FHIP1B: variants seen among roughly 807,000 people sequenced by gnomAD.
FHIP1B encodes the protein FHF complex subunit HOOK-interacting protein 1B.
FHIP1B carries 28 observed loss-of-function variants against 82.2 expected under a neutral mutation model. That is an observed-to-expected ratio of 0.34 (90% confidence interval 0.25 to 0.47). The LOEUF is 0.47. FHIP1B is among the 20% of genes least tolerant of loss of function. FHIP1B has a pLI of 1.00. For synonymous variants in FHIP1B, 585 were observed against 516.1 expected, an observed-to-expected ratio of 1.13 and a Z score of -1.81; for missense variants, 1,110 against 1,262.6, an observed-to-expected ratio of 0.88 and a Z score of 1.83.
chr11:6,229,975 C>A (rs1258658284), intron 1 of FHIP1B, among the ~76,000 whole-genome samples: 1 of 144,332 alleles, frequency 6.9e-6, no homozygotes. Context: ...ATAGCAAAGT[C>A]CAAAAAAAAA....
chr11:6,219,104 A>T, intron 6 of FHIP1B, 54 bp from the exon 7 acceptor site: 1 of 1,443,006 alleles, frequency 6.9e-7, no homozygotes, highest in Non-Finnish European at 9.6e-7. Flanking sequence ...CTGCCCTCCA[A>T]GCCATTCACC....
chr11:6,233,301 G>A (rs548294361), intron 1 of FHIP1B, among the ~76,000 whole-genome samples: 16 of 152,326 alleles, frequency 1.1e-4, no homozygotes, highest in South Asian at 6.2e-4. Flanking sequence ...GAAAGAATAG[G>A]ATGTCCCAAC....
Position 6,224,521 on chromosome 11 carries a change from C to G in FHIP1B, c.-5G>C. ...CAGCCAATTCATCCTCTCCATGAGGCAGGCTGGGCAGGACTGGCAGCCAGA... is the reference window on the plus strand; with the variant it reads ...CAGCCAATTCATCCTCTCCATGAGGGAGGCTGGGCAGGACTGGCAGCCAGA... On this transcript the variant is annotated 5_prime_UTR_variant, in exon 2 of 12. Coordinates refer to ENST00000449352, the MANE Select transcript of FHIP1B (RefSeq NM_001098794.2). The G allele has an allele frequency of 1.2e-6, 2 of 1,606,236 alleles. No homozygotes were observed. Among genetic ancestry groups the G allele is most frequent in the South Asian group, 1.1e-5 (1 of 89,956 alleles).
intron 6 of FHIP1B, among the ~76,000 whole-genome samples, chr11:6,221,484 T>A (rs1281248497): frequency 6.6e-6 from 1 of 152,164 alleles, no homozygotes; most frequent in African/African-American, 2.4e-5. Context: ...TTATATATAT[T>A]TCTATTTGTT....
At position 6,217,605 on chromosome 11, in the gene FHIP1B, G is replaced by A. The variant is rs754331058; in HGVS notation, c.1981C>T (p.Leu661=). The A allele has an allele frequency of 1.9e-6, 3 of 1,613,632 alleles. No homozygotes were observed. The highest frequency in any genetic ancestry group is 8.5e-7 in the Non-Finnish European group (1 of 1,179,830). The change falls in exon 9 of 12, where the codon CTA becomes TTA. Residue 661 remains leucine (L), a synonymous_variant. Coordinates refer to ENST00000449352, the MANE Select transcript of FHIP1B (RefSeq NM_001098794.2). ...LVPKEGAGEL[L]EGISEGMAGL... ...GCCATGCCCTCGGAGATGCCCTCTA[G>A]CAGTTCCCCAGCTCCCTCCTTTGGC...
At chr11:6,230,449 A>G (rs1358884373) in intron 1 of FHIP1B, among the ~76,000 whole-genome samples, 1 of 152,216 alleles carries the variant, frequency 6.6e-6, no homozygotes, top group African/African-American at 2.4e-5. Flanking sequence ...ATACAAAGGG[A>G]AAAACCAACC....
At chr11:6,219,650 G>A (rs1343573472) in intron 6 of FHIP1B, among the ~76,000 whole-genome samples, 1 of 152,230 alleles carries the variant, frequency 6.6e-6, no homozygotes, top group African/African-American at 2.4e-5. Flanking sequence ...GTCAAGATTA[G>A]AGGAAATCTT....
At chr11:6,215,597 T>C (rs532460081) in intron 9 of FHIP1B, among the ~76,000 whole-genome samples, 3 of 152,360 alleles carry the variant, frequency 2.0e-5, no homozygotes, top group South Asian at 2.1e-4. Context: ...ATCAGTTTTG[T>C]CTTTCAGAAG....
rs754422232 is a variant in FHIP1B, at chr11:6,222,624, G to A, written c.1024-15C>T. 1.5e-5 allele frequency: 24 copies of A among 1,613,066 alleles called. No homozygotes were observed. The highest frequency in any genetic ancestry group is 1.7e-5 in the Non-Finnish European group (20 of 1,179,302). On this transcript the variant is annotated splice_polypyrimidine_tract_variant and intron_variant, in intron 5 of 11. Coordinates refer to ENST00000449352, the MANE Select transcript of FHIP1B (RefSeq NM_001098794.2). ...TCCACAGAGGTCTGCACAAAAAGAA[G>A]GGAAAGTCTGGAAATGCACAGCTTC...
chr11:6,220,818 T>C (rs759496000), intron 6 of FHIP1B, among the ~76,000 whole-genome samples: 2 of 151,862 alleles, frequency 1.3e-5, no homozygotes, highest in Non-Finnish European at 2.9e-5. Context: ...AGATAAAACC[T>C]CAAAAAGAAA....
chr11:6,213,369 A>G (rs1847128278), intron 11 of FHIP1B, among the ~76,000 whole-genome samples: 2 of 152,230 alleles, frequency 1.3e-5, no homozygotes, highest in African/African-American at 2.4e-5. Flanking sequence ...GCACATGTCA[A>G]TTCCTCCTTG....
intron 11 of FHIP1B, among the ~76,000 whole-genome samples, chr11:6,212,727 G>A (rs1281141925): frequency 2.6e-5 from 4 of 152,158 alleles, no homozygotes; most frequent in South Asian, 4.2e-4. Flanking sequence ...ATACCATACC[G>A]AGCTATTAAA....
At chr11:6,215,069 G>A (rs1847188703) in intron 9 of FHIP1B, 158 bp from the exon 10 acceptor site, 1 of 635,398 alleles carries the variant, frequency 1.6e-6, no homozygotes, top group Admixed American at 3.8e-5. Flanking sequence ...TATTCTGGAG[G>A]AAATAAGATG....
chr11:6,224,121 G>A lies in FHIP1B; in HGVS notation c.266C>T (p.Ala89Val). ...LLAEDRAVPS[A>V]PTGPGPLLEF... ...CAGCAGGGGCCCAGGGCCTGTGGGG[G>A]CCGAGGGAACTGCACGGTCCTCTGC... is the stretch of plus-strand genomic sequence containing the variant. The change falls in exon 3 of 12, where the codon GCC becomes GTC. Residue 89 changes from alanine to valine, a missense_variant. Ala to Val is a moderately conservative substitution (Grantham distance 64). Coordinates refer to ENST00000449352, the MANE Select transcript of FHIP1B (RefSeq NM_001098794.2). 5 of 1,614,104 alleles carry A rather than the reference G, an allele frequency of 3.1e-6. No individual in the cohort carries two copies. Among genetic ancestry groups the A allele is most frequent in the Admixed American group, 1.7e-5 (1 of 60,026 alleles).
At chr11:6,227,996 G>T (rs1392739920) in intron 1 of FHIP1B, among the ~76,000 whole-genome samples, 1 of 152,162 alleles carries the variant, frequency 6.6e-6, no homozygotes, top group African/African-American at 2.4e-5. Context: ...GTTAGTTAAA[G>T]AATAGGAATC....
intron 1 of FHIP1B, among the ~76,000 whole-genome samples, chr11:6,231,469 C>CTT (rs1167717523): frequency 4.8e-5 from 6 of 125,318 alleles, no homozygotes; most frequent in East Asian, 2.3e-4. Flanking sequence ...GATATATTTT[C>CTT]TTTTTTTTTT....
In FHIP1B at chr11:6,222,468, C is replaced by T. The variant is rs765275651; in HGVS notation, c.1165G>A (p.Val389Ile). 8.1e-5 allele frequency: 131 copies of T among 1,613,752 alleles called. No homozygotes were observed. The highest frequency in any genetic ancestry group is 1.7e-4 in the Middle Eastern group (1 of 6,032). Reference sequence around the variant, plus strand: ...CGGGAGTTACTGCCAATACGAGCAACGAGGGTGTCGAGGATGGTGTGGGTG... The same window carrying T: ...CGGGAGTTACTGCCAATACGAGCAATGAGGGTGTCGAGGATGGTGTGGGTG... ...HDTHTILDTLVARIGSNSRLC... is the reference protein window; with the variant it reads ...HDTHTILDTLIARIGSNSRLC... Residue 389 changes from valine (V) to isoleucine (I), a missense_variant, in exon 6 of 12, where the codon GTT (valine) becomes ATT (isoleucine). Physicochemically the swap from Val to Ile is conservative, Grantham distance 29. This residue lies in a region of FHIP1B where 467 missense variants were observed against 602.9 expected (regional missense o/e 0.77). Transcript: ENST00000449352.
rs533395034 is a variant in FHIP1B at position 6,225,810 on chromosome 11, T to C, written c.-191-1103A>G. 4.7e-4 allele frequency among the ~76,000 whole-genome samples: 71 copies of C among 152,204 alleles called. 4 individuals are homozygous for C. The South Asian group carries it at 0.013, about 28-fold the overall frequency. On this transcript the variant is annotated intron_variant, in intron 1 of 11. Transcript: ENST00000449352. The stretch of plus-strand genomic sequence containing the variant: ...AGACCCTTAACTGACTGAATACTCT[T>C]AAGAGGAAGAATTCAGAGCCAACCA...
chr11:6,221,472 T>G (rs565003419), intron 6 of FHIP1B, among the ~76,000 whole-genome samples: 1 of 152,176 alleles, frequency 6.6e-6, no homozygotes, highest in East Asian at 1.9e-4. Context: ...CCCACTCCCA[T>G]GTTATATATA....
Sources: gnomAD v4.1 joint callset for allele counts (sites outside exome capture counted in the v4.1 genomes callset) on GRCh38, gnomAD v4.1.1 for gene constraint, gnomAD v4.1.1 regional missense constraint, MANE v1.5 for transcripts, NCBI Gene and HGNC (gene_info 2026-07-23, HGNC 2026-07-21) for gene names.